The following PAG1 variants were observed in gnomAD, a reference collection of about 807,000 sequenced individuals.
The protein encoded by PAG1 is phosphoprotein membrane anchor with glycosphingolipid microdomains 1.
Under a neutral mutation model 31.7 loss-of-function variants are expected in PAG1, and 23 were observed. The ratio of observed to expected loss-of-function variants is 0.73; its 90% CI spans 0.52 to 1.03. The LOEUF (loss-of-function observed/expected upper bound fraction) is 1.03. PAG1 is among the 50% of genes least tolerant of loss of function. The pLI is 0.00. For synonymous variants in PAG1, 214 were observed against 210.3 expected (o/e 1.02, Z -0.15); for missense variants, 473 against 540.7 (o/e 0.87, Z 1.24).
chr8:81,017,479 G>A (rs544592744), intron 3 of PAG1, among the ~76,000 whole-genome samples: 7 of 152,264 alleles, frequency 4.6e-5, no homozygotes, highest in African/African-American at 1.4e-4. Flanking sequence ...AACACCATGC[G>A]TTGACAAAAG....
At chr8:81,033,220 A>T (rs1193787911) in intron 2 of PAG1, among the ~76,000 whole-genome samples, 1 of 152,216 alleles carries the variant, frequency 6.6e-6, no homozygotes, top group Non-Finnish European at 1.5e-5. Flanking sequence ...CAGTCTTAAA[A>T]AAAAATGGCA....
At chr8:80,985,961 A>G (rs1228831746) in intron 6 of PAG1, among the ~76,000 whole-genome samples, 1 of 152,186 alleles carries the variant, frequency 6.6e-6, no homozygotes, top group Non-Finnish European at 1.5e-5. Context: ...CAAATTAGAA[A>G]AAAACCAAAT....
At chr8:81,076,211 CA>C (rs1809174638) in intron 1 of PAG1, among the ~76,000 whole-genome samples, 1 of 152,230 alleles carries the variant, frequency 6.6e-6, no homozygotes, top group African/African-American at 2.4e-5. Context: ...TCAGCAAATG[CA>C]AATGTGTACA....
chr8:81,105,953 T>C (rs1809686805), intron 1 of PAG1, among the ~76,000 whole-genome samples: 2 of 152,276 alleles, frequency 1.3e-5, no homozygotes, highest in South Asian at 4.1e-4. Context: ...TACTTGCAAA[T>C]GAATACATGA....
intron 3 of PAG1, among the ~76,000 whole-genome samples, chr8:81,005,074 C>A (rs1165077735): frequency 1.3e-5 from 2 of 152,116 alleles, no homozygotes; most frequent in Non-Finnish European, 2.9e-5. Flanking sequence ...CAAAATCACA[C>A]AGAACATAAA....
intron 3 of PAG1, among the ~76,000 whole-genome samples, chr8:81,013,724 T>C (rs1339228085): frequency 2.0e-5 from 3 of 152,080 alleles, no homozygotes. Context: ...GGATTATAGG[T>C]GTCTGCCACC....
At chr8:81,089,522 C>T (rs976724947) in intron 1 of PAG1, among the ~76,000 whole-genome samples, 5 of 151,656 alleles carry the variant, frequency 3.3e-5, no homozygotes, top group East Asian at 3.9e-4. Context: ...GAGCTGAGAT[C>T]GCACCACTGC....
intron 1 of PAG1, among the ~76,000 whole-genome samples, chr8:81,098,735 C>T (rs1218092997): frequency 1.3e-5 from 2 of 152,158 alleles, no homozygotes; most frequent in Non-Finnish European, 2.9e-5. Flanking sequence ...CTGTACCTGG[C>T]CTTCATCCAC....
chr8:80,997,162 T>C (rs1807691575), intron 3 of PAG1, among the ~76,000 whole-genome samples: 2 of 152,252 alleles, frequency 1.3e-5, no homozygotes, highest in Admixed American at 6.5e-5. Context: ...ATCTGAGCCA[T>C]TTGGAGGAGC....
intron 6 of PAG1, 109 bp from the exon 7 acceptor site, chr8:80,985,486 T>A (rs1375454999): frequency 5.2e-5 from 59 of 1,135,886 alleles, no homozygotes; most frequent in Non-Finnish European, 7.0e-5. Context: ...GCTTTTTATT[T>A]AAGTCTCAGG....
chr8:81,084,840 A>G (rs149252531), intron 1 of PAG1, among the ~76,000 whole-genome samples: 4 of 152,304 alleles, frequency 2.6e-5, no homozygotes, highest in Non-Finnish European at 4.4e-5. Flanking sequence ...CCAACCCTTT[A>G]TTATAAGCAA....
Position 80,972,533 on chromosome 8 carries a change from A to G in PAG1, c.*4011T>C, listed in dbSNP as rs989617519. The G allele has an allele frequency of 6.6e-6, 1 of 152,202 alleles. No individual in the cohort carries two copies. Among genetic ancestry groups the G allele is most frequent in the African/African-American group, 2.4e-5 (1 of 41,442 alleles). The allele number at this position is 152,202 out of a possible 1,614,324, so 9.4% of individuals were successfully genotyped here. On this transcript the variant is annotated 3_prime_UTR_variant, in exon 9 of 9. Transcript: ENST00000220597. ...CAGGTGACCGACCTCTGCTCCTGCT[A>G]CTTGGGAGTCACGTTGTCTTGGCTT...
rs869177030 is a variant in PAG1, at chr8:81,085,972, G to GTTTTTTTTTTTTTTTTT, written c.-233-15819_-233-15803dup. On this transcript the variant is annotated intron_variant, in intron 1 of 8. Coordinates refer to ENST00000220597, the MANE Select transcript of PAG1 (RefSeq NM_018440.4). ...AGTAGTTACGCTTTTAATCTGGCTT[G>GTTTTTTTTTTTTTTTTT]TTTTTTTTTTTTTTTTTTTTTTTTT... 1.0e-4 allele frequency among the ~76,000 whole-genome samples: 6 copies of GTTTTTTTTTTTTTTTTT among 58,906 alleles called. 2 individuals carry two copies. The highest frequency in any genetic ancestry group is 4.4e-4 in the African/African-American group (6 of 13,784). 38.6% of individuals were successfully genotyped at this position (58,906 alleles called of 152,430 possible). A position where few individuals can be genotyped will look rare whatever the true frequency, so the allele number is the denominator to read the frequency against.
At chr8:81,074,379 C>T (rs1434832388) in intron 1 of PAG1, among the ~76,000 whole-genome samples, 1 of 152,106 alleles carries the variant, frequency 6.6e-6, no homozygotes, top group Admixed American at 6.5e-5. Flanking sequence ...ATAATTATAA[C>T]ACAAGATCAT....
intron 1 of PAG1, among the ~76,000 whole-genome samples, chr8:81,085,986 T>G (rs1809347202): frequency 7.8e-6 from 1 of 127,998 alleles, no homozygotes; most frequent in African/African-American, 3.3e-5. Flanking sequence ...TTTTTTTTTT[T>G]TTTTTTTTTT....
intron 2 of PAG1, among the ~76,000 whole-genome samples, chr8:81,049,936 A>T (rs1808700585): frequency 6.6e-6 from 1 of 151,526 alleles, no homozygotes; most frequent in South Asian, 2.1e-4. Flanking sequence ...CATACAACAA[A>T]CCCCACGCTG....
At chr8:81,100,571 G>A (rs1809593431) in intron 1 of PAG1, among the ~76,000 whole-genome samples, 1 of 152,164 alleles carries the variant, frequency 6.6e-6, no homozygotes, top group Admixed American at 6.5e-5. Flanking sequence ...ATTGCCAAAT[G>A]TCCTCTAGGG....
intron 3 of PAG1, among the ~76,000 whole-genome samples, chr8:81,012,908 A>T (rs962489918): frequency 6.6e-6 from 1 of 152,238 alleles, no homozygotes; most frequent in African/African-American, 2.4e-5. Context: ...ACCAGAATTT[A>T]AAAAATTTTT....
intron 1 of PAG1, among the ~76,000 whole-genome samples, chr8:81,084,277 T>A (rs1809316910): frequency 6.6e-6 from 1 of 152,136 alleles, no homozygotes; most frequent in Non-Finnish European, 1.5e-5. Flanking sequence ...ATAGAACAAA[T>A]TTTTCATTTC....
Sources: allele counts gnomAD v4.1 joint callset (sites outside exome capture counted in the v4.1 genomes callset), GRCh38; gene constraint gnomAD v4.1.1; transcripts MANE v1.5; gene names NCBI Gene and HGNC (gene_info 2026-07-23, HGNC 2026-07-21).